The following CDH13 variants were observed in gnomAD, a reference collection of about 807,000 sequenced individuals.
CDH13 encodes the protein cadherin 13.
CDH13 carries 24 observed loss-of-function variants against 63.8 expected under a neutral mutation model. That is an observed-to-expected ratio of 0.38 (90% CI 0.27 to 0.53). The LOEUF (loss-of-function observed/expected upper bound fraction) is 0.53, where lower values mean the gene tolerates loss of function less well. CDH13 is among the 20% of genes least tolerant of loss of function. CDH13 has a pLI of 0.85. For synonymous variants in CDH13, 503 were observed against 355.3 expected, an observed-to-expected ratio of 1.42 and a Z score of -4.67; for missense variants, 1,049 against 903.1, an observed-to-expected ratio of 1.16 and a Z score of -2.07.
chr16:83,400,672 T>A (rs1402643483), intron 6 of CDH13, among the ~76,000 whole-genome samples: 1 of 152,174 alleles, frequency 6.6e-6, no homozygotes, highest in Non-Finnish European at 1.5e-5. Flanking sequence ...ACAGTGGGGT[T>A]GTGATAGATC....
chr16:83,380,341 A>G (rs191908284), intron 6 of CDH13, among the ~76,000 whole-genome samples: 96 of 152,288 alleles, frequency 6.3e-4, no homozygotes, highest in African/African-American at 2.2e-3. Context: ...TAAAATTCCC[A>G]AAATATGAAA....
chr16:83,775,531 C>CT (rs1165035392), intron 11 of CDH13, among the ~76,000 whole-genome samples: 1 of 152,050 alleles, frequency 6.6e-6, no homozygotes, highest in East Asian at 1.9e-4. Context: ...AACATGGCCC[C>CT]TGGGCTCCCT....
At chr16:83,412,790 C>T (rs2092147075) in intron 6 of CDH13, among the ~76,000 whole-genome samples, 1 of 152,216 alleles carries the variant, frequency 6.6e-6, no homozygotes, top group African/African-American at 2.4e-5. Flanking sequence ...GCACATAAGC[C>T]ATGCATTTAC....
intron 3 of CDH13, among the ~76,000 whole-genome samples, chr16:83,049,489 C>T (rs2030044746): frequency 6.6e-6 from 1 of 152,054 alleles, no homozygotes; most frequent in East Asian, 1.9e-4. Context: ...TGCCCACCAC[C>T]ACACCCAGCT....
At chr16:83,726,760 C>T (rs1233369414) in intron 10 of CDH13, among the ~76,000 whole-genome samples, 1 of 151,914 alleles carries the variant, frequency 6.6e-6, no homozygotes, top group Non-Finnish European at 1.5e-5. Context: ...ATGGCGTGAA[C>T]CCGGGAGGCG....
chr16:83,108,121 C>T (rs533664431), intron 3 of CDH13, among the ~76,000 whole-genome samples: 1 of 152,070 alleles, frequency 6.6e-6, no homozygotes, highest in East Asian at 1.9e-4. Context: ...GCGCCCAGCC[C>T]CTCTTTTTCT....
At chr16:83,137,560 A>G (rs373338421) in intron 4 of CDH13, among the ~76,000 whole-genome samples, 70 of 152,356 alleles carry the variant, frequency 4.6e-4, no homozygotes, top group African/African-American at 1.7e-3. Context: ...CGCTTCAGAC[A>G]ACGCTTTTTT....
In CDH13 at chr16:82,858,317, A is replaced by G. The variant is rs2039786454; in HGVS notation, c.46-45A>G. 2.3e-6 allele frequency: 3 copies of G among 1,324,014 alleles called. No individual in the cohort carries two copies. The South Asian group carries it at 3.6e-5, about 16-fold the overall frequency. 82.0% of individuals were successfully genotyped at this position (1,324,014 alleles called of 1,614,324 possible). A position where few individuals can be genotyped will look rare whatever the true frequency, so the allele number is the denominator to read the frequency against. On this transcript the variant is annotated intron_variant, in intron 1 of 13. Coordinates refer to ENST00000567109, the MANE Select transcript of CDH13 (RefSeq NM_001257.5). ...GATTTGGCGAAAGTTAGCAGGGCAA[A>G]CACATAAGCCGCTATTAAAATATTG...
At chr16:83,021,774 C>G (rs141725895) in intron 2 of CDH13, among the ~76,000 whole-genome samples, 1 of 152,324 alleles carries the variant, frequency 6.6e-6, no homozygotes, top group East Asian at 1.9e-4. Context: ...CCAGTCATGG[C>G]TAGAATACTC....
At chr16:83,265,462 G>T (rs6563889) in intron 5 of CDH13, among the ~76,000 whole-genome samples, 9 of 152,142 alleles carry the variant, frequency 5.9e-5, no homozygotes, top group Admixed American at 5.9e-4. Context: ...TTTTCTTTCA[G>T]CTCCCTTTTA....
intron 1 of CDH13, among the ~76,000 whole-genome samples, chr16:82,635,960 G>T (rs912164651): frequency 1.3e-5 from 2 of 152,078 alleles, no homozygotes; most frequent in Middle Eastern, 3.4e-3. Context: ...CTTCTGCCAC[G>T]ATTGTAAGTT....
intron 10 of CDH13, among the ~76,000 whole-genome samples, chr16:83,695,850 GAA>G (rs912532848): frequency 4.6e-5 from 7 of 151,890 alleles, no homozygotes; most frequent in East Asian, 1.9e-4. Flanking sequence ...TTTCGTGAGT[GAA>G]AGAGACGGAA....
chr16:83,617,946 C>T (rs771953522), intron 8 of CDH13, among the ~76,000 whole-genome samples: 20 of 152,062 alleles, frequency 1.3e-4, no homozygotes, highest in Non-Finnish European at 2.5e-4. Context: ...TATTTAATTG[C>T]TTATTGCCAC....
At chr16:83,275,875 C>G (rs2088971155) in intron 5 of CDH13, among the ~76,000 whole-genome samples, 1 of 152,164 alleles carries the variant, frequency 6.6e-6, no homozygotes. Flanking sequence ...GCCATGAAAA[C>G]TGCCCTGAAG....
At position 83,118,609 on chromosome 16, in the gene CDH13, G is replaced by A. The variant is rs189150484; in HGVS notation, c.367-6776G>A. Among the ~76,000 whole-genome samples, 32 of 152,216 alleles carry A rather than the reference G, an allele frequency of 2.1e-4. No individual in the cohort carries two copies. In the East Asian group the frequency reaches 3.1e-3, roughly 15 times the overall value. ...TCACCCTCATTTTCTCACTTCCTCCGTCCTGGTGTTAATAAGACTCATCCT... is the reference window on the plus strand; with the variant it reads ...TCACCCTCATTTTCTCACTTCCTCCATCCTGGTGTTAATAAGACTCATCCT... On this transcript the variant is annotated intron_variant, in intron 3 of 13. Coordinates refer to ENST00000567109, the MANE Select transcript of CDH13 (RefSeq NM_001257.5).
In CDH13 at chr16:83,795,291, T is replaced by G. The variant is rs1904276118; in HGVS notation, c.*261T>G. 2.1e-6 allele frequency: 1 copy of G among 480,708 alleles called. No individual in the cohort carries two copies. The highest frequency in any genetic ancestry group is 3.7e-6 in the Non-Finnish European group (1 of 268,502). 29.8% of individuals were successfully genotyped at this position (480,708 alleles called of 1,614,324 possible). A position where few individuals can be genotyped will look rare whatever the true frequency, so the allele number is the denominator to read the frequency against. On this transcript the variant is annotated 3_prime_UTR_variant, in exon 14 of 14. Coordinates refer to ENST00000567109, the MANE Select transcript of CDH13 (RefSeq NM_001257.5). ...GATCATGACATATGACTTGATCTTC[T>G]GGGAGCAGGAACAATGACTACTTTT...
chr16:82,968,338 T>C (rs953955275), intron 2 of CDH13, among the ~76,000 whole-genome samples: 6 of 152,172 alleles, frequency 3.9e-5, no homozygotes, highest in Non-Finnish European at 7.3e-5. Flanking sequence ...CTAGAAAATG[T>C]GTAATTTTCC....
rs1351963008 is a variant in CDH13 at position 83,014,762 on chromosome 16, ATATATATATATATG to A, written c.158-17234_158-17221del. On this transcript the variant is annotated intron_variant, in intron 2 of 13. Coordinates refer to ENST00000567109, the MANE Select transcript of CDH13 (RefSeq NM_001257.5). The stretch of plus-strand genomic sequence containing the variant: ...AAAAAAAATATATATATATATATAT[ATATATATATATATG>A]TATATATATATATTTGTATATATAT... Among the ~76,000 whole-genome samples, 24 of 54,212 alleles carry A rather than the reference ATATATATATATATG, an allele frequency of 4.4e-4. 1 individual carries two copies. Among genetic ancestry groups the A allele is most frequent in the African/African-American group, 1.1e-3 (17 of 15,644 alleles). The allele number at this position is 54,212 out of a possible 152,430, so 35.6% of individuals were successfully genotyped here.
chr16:83,362,722 TG>T (rs2091185489), intron 6 of CDH13, among the ~76,000 whole-genome samples: 1 of 152,214 alleles, frequency 6.6e-6, no homozygotes, highest in African/African-American at 2.4e-5. Flanking sequence ...TCTGTCTCAT[TG>T]TGGGTTAATT....
Sources: allele counts gnomAD v4.1 joint callset (sites outside exome capture counted in the v4.1 genomes callset), GRCh38; gene constraint gnomAD v4.1.1; transcripts MANE v1.5; gene names NCBI Gene and HGNC (gene_info 2026-07-23, HGNC 2026-07-21).